The following THUMPD1 variants were observed in gnomAD, a reference collection of about 807,000 sequenced individuals.
The protein encoded by THUMPD1 is THUMP domain 1 NAT10 acetyltransferase adaptor, also known as THUMP domain-containing protein 1.
A neutral mutation model predicts 31.6 loss-of-function variants in THUMPD1; 31 were observed. The ratio of observed to expected loss-of-function variants is 0.98; its 90% CI spans 0.74 to 1.32. The LOEUF (loss-of-function observed/expected upper bound fraction) is 1.32. THUMPD1 is among the 40% of genes most tolerant of loss of function. THUMPD1 has a pLI of 0.00. For missense variants in THUMPD1, 446 were observed against 427.8 expected (o/e 1.04, Z -0.38); for synonymous variants, 166 against 158.2 (o/e 1.05, Z -0.37).
intron 2 of THUMPD1, 48 bp downstream of exon 2, chr16:20,738,849 A>C: frequency 6.3e-7 from 1 of 1,593,190 alleles, no homozygotes; most frequent in Non-Finnish European, 8.6e-7. Context: ...AGACAGGAAG[A>C]TACCCAGATG....
chr16:20,738,302 CT>C (rs749491475), intron 2 of THUMPD1: 1 of 356,692 alleles, frequency 2.8e-6, no homozygotes, highest in Non-Finnish European at 5.4e-6. Flanking sequence ...ACAGTACACA[CT>C]TTTTTACAAA....
At chr16:20,737,562 GTTGAT>G (rs1385049170) in intron 3 of THUMPD1, 141 bp downstream of exon 3, 17 of 853,116 alleles carry the variant, frequency 2.0e-5, no homozygotes, top group Admixed American at 3.6e-5. Flanking sequence ...ATTGAAATCA[GTTGAT>G]TTAATACTAT....
chr16:20,736,559 A>G lies in THUMPD1; in HGVS notation c.*321T>C, dbSNP rs1370661200. 2 of 246,460 alleles carry G rather than the reference A, an allele frequency of 8.1e-6. No homozygotes were observed. The highest frequency in any genetic ancestry group is 1.4e-3 in the Middle Eastern group (1 of 720). The allele number at this position is 246,460 out of a possible 1,614,324, so 15.3% of individuals were successfully genotyped here. A position where few individuals can be genotyped will look rare whatever the true frequency, so the allele number is the denominator to read the frequency against. ...TCCTTAGAATGAAAACTTCCCTCTG[A>G]TTTTCTACTTCACAGGTAGTTCACT... On this transcript the variant is annotated 3_prime_UTR_variant, in exon 4 of 4. Coordinates refer to ENST00000396083, the MANE Select transcript of THUMPD1 (RefSeq NM_017736.5).
In THUMPD1 at chr16:20,737,130, G is replaced by C. The variant is rs1173455217; in HGVS notation, c.812C>G (p.Pro271Arg). ...TGAGTTAAGCTGTGACGGATCCTTAGGGCTCTTCACCACCTCCTGGAGATT... is the reference window on the plus strand; with the variant it reads ...TGAGTTAAGCTGTGACGGATCCTTACGGCTCTTCACCACCTCCTGGAGATT... ...KYNLQEVVKS[P>R]KDPSQLNSKQ... is the part of the protein sequence containing the mutation. Residue 271 changes from proline (P) to arginine (R), a missense_variant, in exon 4 of 4, where the codon CCT becomes CGT. By Grantham distance (103) the Pro-to-Arg change is moderately radical (BLOSUM62 -2). Transcript: ENST00000396083. 1.2e-6 allele frequency: 2 copies of C among 1,614,124 alleles called. No individual in the cohort carries two copies. The highest frequency in any genetic ancestry group is 4.5e-5 in the East Asian group (2 of 44,880).
At position 20,737,751 on chromosome 16, in the gene THUMPD1, A is replaced by G. The variant is rs142453544; in HGVS notation, c.612T>C (p.Asn204=). 5 of 1,613,648 alleles carry G rather than the reference A, an allele frequency of 3.1e-6. No homozygotes were observed. The African/African-American group carries it at 5.3e-5, about 17-fold the overall frequency. ...GTFQIVYKSR[N]NSHVNREEVI... ...CTTCTTCTCTATTCACATGACTGTT[A>G]TTTCGAGATTTGTACACAATCTGAA... The change falls in exon 3 of 4, where the codon AAT becomes AAC. Residue 204 remains asparagine, a synonymous_variant. Coordinates refer to ENST00000396083, the MANE Select transcript of THUMPD1 (RefSeq NM_017736.5).
At chr16:20,739,968 C>A (rs943389559) in intron 1 of THUMPD1, among the ~76,000 whole-genome samples, 1 of 152,172 alleles carries the variant, frequency 6.6e-6, no homozygotes, top group African/African-American at 2.4e-5. Flanking sequence ...TTAGGGTGGA[C>A]CTTAACACGT....
Position 20,737,737 on chromosome 16 carries a change from T to C in THUMPD1, c.626A>G (p.Asn209Ser). The change falls in exon 3 of 4, where the codon AAT (asparagine) becomes AGT (serine). Residue 209 changes from asparagine to serine, a missense_variant. Coordinates refer to ENST00000396083, the MANE Select transcript of THUMPD1 (RefSeq NM_017736.5). ...VYKSRNNSHVNREEVIRELAG... is the reference protein window; with the variant it reads ...VYKSRNNSHVSREEVIRELAG... ...CAATTCTCTGATAACTTCTTCTCTA[T>C]TCACATGACTGTTATTTCGAGATTT... 1 of 1,613,458 alleles carries C rather than the reference T, an allele frequency of 6.2e-7. No individual in the cohort carries two copies. The highest frequency in any genetic ancestry group is 8.5e-7 in the Non-Finnish European group (1 of 1,179,744).
chr16:20,741,464 G>T, intron 1 of THUMPD1, 45 bp downstream of exon 1: 1 of 1,472,984 alleles, frequency 6.8e-7, no homozygotes, highest in Non-Finnish European at 9.0e-7. Context: ...CCCTCCTCCC[G>T]CAAGGCCTGG....
chr16:20,740,092 TAC>T (rs1271974921), intron 1 of THUMPD1, among the ~76,000 whole-genome samples: 1 of 152,110 alleles, frequency 6.6e-6, no homozygotes, highest in African/African-American at 2.4e-5. Flanking sequence ...GGCACAGAAA[TAC>T]ATTGTTCAAT....
chr16:20,740,763 A>T (rs1304188146), intron 1 of THUMPD1, among the ~76,000 whole-genome samples: 1 of 152,194 alleles, frequency 6.6e-6, no homozygotes, highest in African/African-American at 2.4e-5. Flanking sequence ...ATTTCCAAAC[A>T]CTAAGACTTT....
At chr16:20,741,481 G>GGGGGGGGGGGGGGCCCCCCC in intron 1 of THUMPD1, 28 bp downstream of exon 1, 3 of 1,308,414 alleles carry the variant, frequency 2.3e-6, no homozygotes, top group Non-Finnish European at 3.0e-6. Flanking sequence ...CTGGCAGCCG[G>GGGGGGGGGGGGGGCCCCCCC]CCCGCCCGCC....
Position 20,736,753 on chromosome 16 carries a change from T to G in THUMPD1, c.*127A>C. 2 of 918,460 alleles carry G rather than the reference T, an allele frequency of 2.2e-6. No individual in the cohort carries two copies. Among genetic ancestry groups the G allele is most frequent in the Admixed American group, 5.6e-5 (2 of 35,918 alleles). The allele number at this position is 918,460 out of a possible 1,614,324, so 56.9% of individuals were successfully genotyped here. A position where few individuals can be genotyped will look rare whatever the true frequency, so the allele number is the denominator to read the frequency against. On this transcript the variant is annotated 3_prime_UTR_variant, in exon 4 of 4. Transcript: ENST00000396083. Reference sequence around the variant, plus strand: ...ACAGGGCTGCGCAATCATTGCTCACTACTGTGAGAACAGCATAATGCAGCA... The same window carrying G: ...ACAGGGCTGCGCAATCATTGCTCACGACTGTGAGAACAGCATAATGCAGCA...
chr16:20,736,936 C>G lies in THUMPD1; in HGVS notation c.1006G>C (p.Glu336Gln). The change falls in exon 4 of 4, where the codon GAA becomes CAA. Residue 336 changes from glutamate to glutamine, a missense_variant. Glu to Gln is a conservative substitution (Grantham distance 29). Coordinates refer to ENST00000396083, the MANE Select transcript of THUMPD1 (RefSeq NM_017736.5). ...QVVNEGGAKP[E>Q]LASQATEGSK... ...CCTTCTGTGGCTTGACTTGCAAGTT[C>G]AGGTTTGGCTCCTCCCTCATTTACC... 1 of 1,614,084 alleles carries G rather than the reference C, an allele frequency of 6.2e-7. No individual in the cohort carries two copies. Among genetic ancestry groups the G allele is most frequent in the Non-Finnish European group, 8.5e-7 (1 of 1,180,014 alleles).
In THUMPD1 at chr16:20,734,206, G is replaced by C. The variant is rs920783084; in HGVS notation, c.*2674C>G. On this transcript the variant is annotated 3_prime_UTR_variant, in exon 4 of 4. Coordinates refer to ENST00000396083, the MANE Select transcript of THUMPD1 (RefSeq NM_017736.5). ...AAAGTAAAAACAATTTAGTTCCACAGAGTTGTATGCTCTGTAGGCATATGG... is the reference window on the plus strand; with the variant it reads ...AAAGTAAAAACAATTTAGTTCCACACAGTTGTATGCTCTGTAGGCATATGG... 1 of 152,634 alleles carries C rather than the reference G, an allele frequency of 6.6e-6. No individual in the cohort carries two copies. The highest frequency in any genetic ancestry group is 2.4e-5 in the African/African-American group (1 of 41,446). 9.5% of individuals were successfully genotyped at this position (152,634 alleles called of 1,614,324 possible). A position where few individuals can be genotyped will look rare whatever the true frequency, so the allele number is the denominator to read the frequency against.
At chr16:20,741,180 G>A (rs1315898527) in intron 1 of THUMPD1, among the ~76,000 whole-genome samples, 1 of 152,164 alleles carries the variant, frequency 6.6e-6, no homozygotes, top group Non-Finnish European at 1.5e-5. Context: ...GAGAAGTCGA[G>A]GCTTCCCTGA....
chr16:20,737,289 G>GT lies in THUMPD1; in HGVS notation c.656-4dup, dbSNP rs776077401. 1.9e-6 allele frequency: 3 copies of GT among 1,599,596 alleles called. No homozygotes were observed. The African/African-American group carries it at 4.0e-5, about 22-fold the overall frequency. The stretch of plus-strand genomic sequence containing the variant: ...TGAATTGAGGGTGCACACTATTCCT[G>GT]TAACAAAAACAGAAAAACACATAGC... On this transcript the variant is annotated splice_region_variant and splice_polypyrimidine_tract_variant and intron_variant, in intron 3 of 3. Coordinates refer to ENST00000396083, the MANE Select transcript of THUMPD1 (RefSeq NM_017736.5).
rs1423779988 is a variant in THUMPD1 at position 20,737,044 on chromosome 16, T to C, written c.898A>G (p.Thr300Ala). 1 of 1,614,226 alleles carries C rather than the reference T, an allele frequency of 6.2e-7. No homozygotes were observed. The highest frequency in any genetic ancestry group is 8.5e-7 in the Non-Finnish European group (1 of 1,180,046). The change falls in exon 4 of 4, where the codon ACA becomes GCA. Residue 300 changes from threonine to alanine, a missense_variant. By Grantham distance (58) the Thr-to-Ala change is moderately conservative. Coordinates refer to ENST00000396083, the MANE Select transcript of THUMPD1 (RefSeq NM_017736.5). ...TGCTGGTTATTTTTTCCTTCTGCTG[T>C]GTTGTTTTGGTCTGATTTGTCCGCA... is the stretch of plus-strand genomic sequence containing the variant. ...ESADKSDQNN[T>A]AEGKNNQQVP...
chr16:20,739,775 T>G (rs2079901582), intron 1 of THUMPD1, among the ~76,000 whole-genome samples: 1 of 151,280 alleles, frequency 6.6e-6, no homozygotes, highest in Admixed American at 6.6e-5. Context: ...GAGCTGAGAT[T>G]GCACCACTGC....
intron 1 of THUMPD1, 34 bp from the exon 2 acceptor site, chr16:20,739,105 C>T (rs2079895795): frequency 6.2e-7 from 1 of 1,604,112 alleles, no homozygotes; most frequent in Admixed American, 1.7e-5. Flanking sequence ...AGAAATGACA[C>T]AACAGCTCAC....
Sources: gnomAD v4.1 joint callset for allele counts (sites outside exome capture counted in the v4.1 genomes callset) on GRCh38, gnomAD v4.1.1 for gene constraint, MANE v1.5 for transcripts, NCBI Gene and HGNC (gene_info 2026-07-23, HGNC 2026-07-21) for gene names.